AP3S1: variants seen among roughly 807,000 people sequenced by gnomAD.
AP3S1 encodes the protein AP-3 complex subunit sigma-1.
Under a neutral mutation model 21.3 loss-of-function variants are expected in AP3S1, and 12 were observed. The ratio of observed to expected loss-of-function variants is 0.56; its 90% CI spans 0.36 to 0.91. The LOEUF is 0.91. AP3S1 is among the 40% of genes least tolerant of loss of function. AP3S1 has a pLI of 0.01. For synonymous variants in AP3S1, 48 were observed against 78.4 expected (o/e 0.61, Z 2.05); for missense variants, 116 against 225.0 (o/e 0.52, Z 3.10).
intron 1 of AP3S1, among the ~76,000 whole-genome samples, chr5:115,859,254 A>G (rs1056620345): frequency 8.5e-5 from 13 of 152,210 alleles, no homozygotes; most frequent in Non-Finnish European, 5.9e-5. Context: ...TTAACGTAAT[A>G]CAAGTTTGTT....
chr5:115,892,517 A>G lies in AP3S1; in HGVS notation c.274-2570A>G, dbSNP rs150044910. Among the ~76,000 whole-genome samples, 434 of 152,328 alleles carry G rather than the reference A, an allele frequency of 2.8e-3. 2 individuals carry two copies. The highest frequency in any genetic ancestry group is 9.9e-3 in the African/African-American group (410 of 41,580). On this transcript the variant is annotated intron_variant, in intron 3 of 5. Transcript: ENST00000316788. ...ATTTGCAGCAACATGGATGGATAGAACTGGAGATCTTTATGTTAAGTGAAA... is the reference window on the plus strand; with the variant it reads ...ATTTGCAGCAACATGGATGGATAGAGCTGGAGATCTTTATGTTAAGTGAAA...
intron 5 of AP3S1, among the ~76,000 whole-genome samples, chr5:115,907,603 TAGCAAACCTTCTGA>T (rs1349027836): frequency 9.0e-4 from 137 of 152,284 alleles, no homozygotes; most frequent in African/African-American, 3.2e-3. Context: ...GTTTTCATTG[TAGCAAACCTTCTGA>T]CATCCAAACA....
chr5:115,881,751 G>T (rs1183831874), intron 3 of AP3S1, among the ~76,000 whole-genome samples: 1 of 152,134 alleles, frequency 6.6e-6, no homozygotes, highest in African/African-American at 2.4e-5. Context: ...GGCCTGCCTT[G>T]CTAGGTTGGG....
At chr5:115,883,181 C>T (rs1749462880) in intron 3 of AP3S1, among the ~76,000 whole-genome samples, 1 of 152,252 alleles carries the variant, frequency 6.6e-6, no homozygotes, top group South Asian at 2.1e-4. Flanking sequence ...ACCTGGCTCC[C>T]TGGCTTCAGC....
chr5:115,859,705 A>T (rs1763033619), intron 1 of AP3S1, among the ~76,000 whole-genome samples: 1 of 152,234 alleles, frequency 6.6e-6, no homozygotes, highest in Admixed American at 6.5e-5. Context: ...ACTAGATTTT[A>T]GTGAACAGCT....
chr5:115,885,312 T>A (rs536208966), intron 3 of AP3S1, among the ~76,000 whole-genome samples: 1 of 152,134 alleles, frequency 6.6e-6, no homozygotes, highest in Non-Finnish European at 1.5e-5. Context: ...AAGAAGCCAG[T>A]AGTGGCTCAG....
chr5:115,893,387 G>T (rs373101212), intron 3 of AP3S1, among the ~76,000 whole-genome samples: 1 of 152,104 alleles, frequency 6.6e-6, no homozygotes, highest in African/African-American at 2.4e-5. Context: ...TCATGAAGTC[G>T]TACCCCAGCA....
In AP3S1 at chr5:115,848,937, T is replaced by C. The variant is rs933197457; in HGVS notation, c.69+6831T>C. ...AAGGACAATTCTAGCTAATAACTGT[T>C]TTCTTAAGATTCCAAGTGGAGGAAG... On this transcript the variant is annotated intron_variant, in intron 1 of 5. Coordinates refer to ENST00000316788, the MANE Select transcript of AP3S1 (RefSeq NM_001284.4). Among the ~76,000 whole-genome samples the C allele has an allele frequency of 4.6e-5, 7 of 152,326 alleles. No individual in the cohort carries two copies. The South Asian group carries it at 1.4e-3, about 32-fold the overall frequency.
intron 5 of AP3S1, among the ~76,000 whole-genome samples, chr5:115,912,725 C>G (rs1439749298): frequency 2.6e-5 from 4 of 151,954 alleles, no homozygotes. Flanking sequence ...TGGAATGATC[C>G]TCTTCGTGTA....
chr5:115,867,193 C>T (rs1763699158), intron 2 of AP3S1, among the ~76,000 whole-genome samples: 1 of 152,078 alleles, frequency 6.6e-6, no homozygotes, highest in Admixed American at 6.5e-5. Flanking sequence ...TGCTCATTTG[C>T]ATGTTGCTGG....
rs1326828741 is a variant in AP3S1 at position 115,913,643 on chromosome 5, T to C, written c.*153T>C. On this transcript the variant is annotated 3_prime_UTR_variant, in exon 6 of 6. Transcript: ENST00000316788. ...GTATAGAAGTTGTGTAAAATCAGTA[T>C]GAAAGTTCAATGTTGCTGTTCTTGC... 6 of 1,267,608 alleles carry C rather than the reference T, an allele frequency of 4.7e-6. No homozygotes were observed. The highest frequency in any genetic ancestry group is 5.3e-6 in the Non-Finnish European group (5 of 937,548). 78.5% of individuals were successfully genotyped at this position (1,267,608 alleles called of 1,614,324 possible).
intron 3 of AP3S1, among the ~76,000 whole-genome samples, chr5:115,873,015 G>C (rs780821333): frequency 5.3e-5 from 8 of 152,160 alleles, no homozygotes; most frequent in Non-Finnish European, 1.2e-4. Flanking sequence ...ACAGGAGAAA[G>C]TGTACCATTT....
At chr5:115,851,330 A>G (rs1015064119) in intron 1 of AP3S1, among the ~76,000 whole-genome samples, 3 of 152,144 alleles carry the variant, frequency 2.0e-5, no homozygotes, top group South Asian at 4.1e-4. Flanking sequence ...TACTTTTTAT[A>G]GGTACATACC....
At chr5:115,862,751 A>G (rs952662557) in intron 1 of AP3S1, among the ~76,000 whole-genome samples, 1 of 152,192 alleles carries the variant, frequency 6.6e-6, no homozygotes, top group Non-Finnish European at 1.5e-5. Flanking sequence ...TTCCTGTGTA[A>G]TTTGTTATCA....
intron 5 of AP3S1, among the ~76,000 whole-genome samples, chr5:115,905,237 G>A (rs909005789): frequency 8.5e-5 from 13 of 152,238 alleles, no homozygotes; most frequent in Admixed American, 2.6e-4. Context: ...ATAAAACTTC[G>A]TTAATGAGGC....
At chr5:115,859,499 T>G (rs1434812688) in intron 1 of AP3S1, among the ~76,000 whole-genome samples, 3 of 152,224 alleles carry the variant, frequency 2.0e-5, no homozygotes, top group Non-Finnish European at 4.4e-5. Flanking sequence ...GTATAAATAC[T>G]TCATCATGAC....
intron 4 of AP3S1, among the ~76,000 whole-genome samples, chr5:115,896,705 G>A (rs1750779547): frequency 6.6e-6 from 1 of 152,172 alleles, no homozygotes; most frequent in Non-Finnish European, 1.5e-5. Flanking sequence ...CCTGTGCCTG[G>A]GGAGGTTGAG....
chr5:115,899,353 C>G (rs1019299427), intron 4 of AP3S1, among the ~76,000 whole-genome samples: 10 of 152,210 alleles, frequency 6.6e-5, no homozygotes, highest in Non-Finnish European at 1.0e-4. Flanking sequence ...GCACTGCCAT[C>G]TGAACAAGAG....
At chr5:115,887,185 A>G (rs537602338) in intron 3 of AP3S1, among the ~76,000 whole-genome samples, 98 of 152,274 alleles carry the variant, frequency 6.4e-4, no homozygotes, top group African/African-American at 2.2e-3. Flanking sequence ...GGTACATTCA[A>G]TATTTGTAAT....
Sources: allele counts gnomAD v4.1 joint callset (sites outside exome capture counted in the v4.1 genomes callset), GRCh38; gene constraint gnomAD v4.1.1; transcripts MANE v1.5; gene names NCBI Gene and HGNC (gene_info 2026-07-23, HGNC 2026-07-21).